Variants in DCDC1 observed in about 807,000 individuals in gnomAD.
The protein encoded by DCDC1 is doublecortin domain-containing protein 1.
DCDC1 carries 200 observed loss-of-function variants against 178.3 expected under a neutral mutation model. That is an observed-to-expected ratio of 1.12 (90% CI 1.00 to 1.26). The LOEUF is 1.26. Ranked by LOEUF, DCDC1 falls within the 50% of genes most tolerant of loss-of-function variation. The pLI, the probability that DCDC1 is intolerant of heterozygous loss-of-function variation, is 0.00. For missense variants in DCDC1, 1,983 were observed against 1,749.2 expected, an observed-to-expected ratio of 1.13 and a Z score of -2.38; for synonymous variants, 690 against 604.8, an observed-to-expected ratio of 1.14 and a Z score of -2.07.
intron 32 of DCDC1, 93 bp from the exon 33 acceptor site, chr11:30,900,591 T>A: frequency 8.3e-7 from 1 of 1,211,800 alleles, no homozygotes; most frequent in Non-Finnish European, 1.1e-6. Flanking sequence ...TTATTATTCA[T>A]TAATAACTTA....
intron 20 of DCDC1, among the ~76,000 whole-genome samples, chr11:31,052,070 G>A (rs1955290309): frequency 6.6e-6 from 1 of 152,084 alleles, no homozygotes; most frequent in Admixed American, 6.5e-5. Flanking sequence ...AAATGGATAA[G>A]AACTCACCAC....
chr11:31,116,692 A>G (rs1960016103), intron 11 of DCDC1, among the ~76,000 whole-genome samples: 2 of 152,068 alleles, frequency 1.3e-5, no homozygotes. Flanking sequence ...AAATTCATAT[A>G]TTTATGCTAT....
At chr11:31,362,361 A>T (rs913861477) in intron 1 of DCDC1, among the ~76,000 whole-genome samples, 1 of 152,236 alleles carries the variant, frequency 6.6e-6, no homozygotes, top group Non-Finnish European at 1.5e-5. Flanking sequence ...TTTTAAAAAA[A>T]CATACAGTGT....
intron 36 of DCDC1, among the ~76,000 whole-genome samples, chr11:30,886,751 A>G (rs1415085520): frequency 6.7e-6 from 1 of 149,562 alleles, no homozygotes; most frequent in Non-Finnish European, 1.5e-5. Context: ...CATAGCAGTC[A>G]CTATTTTTTT....
chr11:31,114,764 G>T (rs150993160), intron 11 of DCDC1, among the ~76,000 whole-genome samples: 26 of 152,234 alleles, frequency 1.7e-4, no homozygotes, highest in Non-Finnish European at 3.4e-4. Flanking sequence ...TCACTGCCGG[G>T]TTTGGAATAC....
At chr11:31,158,428 T>C (rs980100852) in intron 9 of DCDC1, among the ~76,000 whole-genome samples, 3 of 152,142 alleles carry the variant, frequency 2.0e-5, no homozygotes, top group African/African-American at 7.2e-5. Context: ...AGCCAATACA[T>C]TGTTTTTGAC....
intron 1 of DCDC1, among the ~76,000 whole-genome samples, chr11:31,367,891 C>T (rs1952044795): frequency 6.6e-6 from 1 of 152,010 alleles, no homozygotes; most frequent in Admixed American, 6.6e-5. Flanking sequence ...GAGTGTAAGA[C>T]AACTGTTCTC....
intron 9 of DCDC1, among the ~76,000 whole-genome samples, chr11:31,212,235 C>T (rs2136540911): frequency 6.6e-6 from 1 of 152,010 alleles, no homozygotes; most frequent in East Asian, 1.9e-4. Context: ...AAAAATTTCA[C>T]TGTAAAAAAT....
chr11:30,874,611 G>T (rs190055651), intron 38 of DCDC1, among the ~76,000 whole-genome samples: 3 of 152,198 alleles, frequency 2.0e-5, no homozygotes, highest in Admixed American at 2.0e-4. Context: ...GCCCTGGGAA[G>T]TTCCCTCCTC....
chr11:31,142,457 A>G (rs1164813679), intron 9 of DCDC1, among the ~76,000 whole-genome samples: 2 of 151,240 alleles, frequency 1.3e-5, no homozygotes, highest in African/African-American at 2.4e-5. Flanking sequence ...GGGACTATCA[A>G]ATGGAGTTTT....
At chr11:31,276,740 T>C (rs1946022430) in intron 7 of DCDC1, among the ~76,000 whole-genome samples, 1 of 152,118 alleles carries the variant, frequency 6.6e-6, no homozygotes, top group African/African-American at 2.4e-5. Flanking sequence ...CTTATTCTCA[T>C]AAAGGTAAGT....
At chr11:31,230,313 T>C (rs1025608427) in intron 9 of DCDC1, among the ~76,000 whole-genome samples, 1 of 151,818 alleles carries the variant, frequency 6.6e-6, no homozygotes, top group African/African-American at 2.4e-5. Flanking sequence ...ATGCTGTATG[T>C]TTTTTTACAA....
At chr11:31,212,320 A>AT (rs1193276471) in intron 9 of DCDC1, among the ~76,000 whole-genome samples, 2 of 152,026 alleles carry the variant, frequency 1.3e-5, no homozygotes, top group East Asian at 1.9e-4. Context: ...ACAAGAAACT[A>AT]TTTTTTTAAG....
chr11:31,362,469 A>G (rs1951758832), intron 1 of DCDC1, among the ~76,000 whole-genome samples: 1 of 152,242 alleles, frequency 6.6e-6, no homozygotes, highest in African/African-American at 2.4e-5. Context: ...ATGAAAATAT[A>G]CAATTAATAT....
At chr11:31,079,826 G>T (rs1957072739) in intron 17 of DCDC1, among the ~76,000 whole-genome samples, 1 of 152,126 alleles carries the variant, frequency 6.6e-6, no homozygotes. Flanking sequence ...GTAGATAAGG[G>T]TAAGTCTCAG....
chr11:31,204,338 A>C (rs1971636066), intron 9 of DCDC1, among the ~76,000 whole-genome samples: 1 of 152,170 alleles, frequency 6.6e-6, no homozygotes, highest in Admixed American at 6.5e-5. Context: ...CCCCAAATAT[A>C]AGGTGCCAAG....
intron 20 of DCDC1, among the ~76,000 whole-genome samples, chr11:31,014,743 G>C (rs967753690): frequency 6.6e-6 from 1 of 152,112 alleles, no homozygotes; most frequent in Non-Finnish European, 1.5e-5. Context: ...CTATCAGTTA[G>C]ATGCACAACC....
intron 1 of DCDC1, among the ~76,000 whole-genome samples, chr11:31,336,493 T>A (rs1950280860): frequency 6.6e-6 from 1 of 152,236 alleles, no homozygotes; most frequent in African/African-American, 2.4e-5. Flanking sequence ...TTGCGAGAAC[T>A]AGTAAGCTCA....
At chr11:31,076,047 CG>C (rs1326962154) in intron 18 of DCDC1, among the ~76,000 whole-genome samples, 1 of 151,994 alleles carries the variant, frequency 6.6e-6, no homozygotes, top group Non-Finnish European at 1.5e-5. Flanking sequence ...TTAGTAGAGA[CG>C]GGGTTTCTCC....
Sources: gnomAD v4.1 joint callset for allele counts (sites outside exome capture counted in the v4.1 genomes callset) on GRCh38, gnomAD v4.1.1 for gene constraint, MANE v1.5 for transcripts, NCBI Gene and HGNC (gene_info 2026-07-23, HGNC 2026-07-21) for gene names.